Variants in KLHL29 observed in about 807,000 individuals in gnomAD.
KLHL29 encodes kelch-like protein 29.
In KLHL29, 21 loss-of-function variants were observed where a neutral mutation model predicts 80.4. The ratio of observed to expected loss-of-function variants is 0.26; its 90% CI spans 0.19 to 0.38. KLHL29 has a LOEUF of 0.38. Among genes scored for constraint, KLHL29 ranks in the 10% least tolerant of loss-of-function variants. The probability of loss-of-function intolerance (pLI) is 1.00; values close to 1 mark genes in which losing one functional copy is unlikely to be tolerated. For synonymous variants in KLHL29, 511 were observed against 526.8 expected, an observed-to-expected ratio of 0.97 and a Z score of 0.41; for missense variants, 867 against 1,223.9, an observed-to-expected ratio of 0.71 and a Z score of 4.35.
intron 3 of KLHL29, among the ~76,000 whole-genome samples, chr2:23,564,110 C>T (rs554377050): frequency 3.7e-4 from 57 of 152,356 alleles, no homozygotes; most frequent in African/African-American, 1.3e-3. Context: ...AGGCTGGGCC[C>T]GGAGGCCGTC....
At chr2:23,667,649 C>T (rs1670589740) in intron 5 of KLHL29, 1 of 152,628 alleles carries the variant, frequency 6.6e-6, no homozygotes, top group South Asian at 2.1e-4. Flanking sequence ...CGGTGCCATC[C>T]TGTGTAGACC....
Position 23,577,472 on chromosome 2 carries a change from C to T in KLHL29, c.285+14991C>T, listed in dbSNP as rs1029184269. ...TAAATAAAAGGGGGGTGGGGCCATGCGCGGTGGCTCACACCTGTAATCTCA... is the reference window on the plus strand; with the variant it reads ...TAAATAAAAGGGGGGTGGGGCCATGTGCGGTGGCTCACACCTGTAATCTCA... On this transcript the variant is annotated intron_variant, in intron 3 of 13. Coordinates refer to ENST00000486442, the MANE Select transcript of KLHL29 (RefSeq NM_052920.2). Among the ~76,000 whole-genome samples, 5 of 150,172 alleles carry T rather than the reference C, an allele frequency of 3.3e-5. No individual in the cohort carries two copies. The East Asian group carries it at 7.9e-4, about 24-fold the overall frequency.
chr2:23,539,897 T>G (rs1666783238), intron 2 of KLHL29, among the ~76,000 whole-genome samples: 1 of 152,186 alleles, frequency 6.6e-6, no homozygotes. Context: ...TCCAAAAGCT[T>G]GTTTCTCTAG....
chr2:23,431,346 G>A (rs1326351143), intron 1 of KLHL29, among the ~76,000 whole-genome samples: 3 of 152,192 alleles, frequency 2.0e-5, no homozygotes, highest in Non-Finnish European at 4.4e-5. Context: ...TTTTCTCCGT[G>A]GGAAGGAAAT....
intron 1 of KLHL29, among the ~76,000 whole-genome samples, chr2:23,461,842 G>A (rs1664218068): frequency 6.6e-6 from 1 of 151,938 alleles, no homozygotes; most frequent in South Asian, 2.1e-4. Flanking sequence ...TAATTGCGGT[G>A]GTTCCCTGCT....
intron 2 of KLHL29, among the ~76,000 whole-genome samples, chr2:23,492,868 G>A (rs532679993): frequency 1.3e-5 from 2 of 152,148 alleles, no homozygotes; most frequent in Non-Finnish European, 2.9e-5. Flanking sequence ...CCTCCTTACC[G>A]TAGCCTCACG....
rs1672851363 is a variant in KLHL29, at chr2:23,708,348, A to C, written c.*1684A>C. On this transcript the variant is annotated 3_prime_UTR_variant, in exon 14 of 14. Transcript: ENST00000486442. ...GTGCAAGTGTGAACCCAAGGACTGG[A>C]GCACAAATTCCTAACTGCCTGGGGC... 6.6e-6 allele frequency: 1 copy of C among 152,214 alleles called. No individual in the cohort carries two copies. The highest frequency in any genetic ancestry group is 2.4e-5 in the African/African-American group (1 of 41,452). The allele number at this position is 152,214 out of a possible 1,614,324, so 9.4% of individuals were successfully genotyped here. A position where few individuals can be genotyped will look rare whatever the true frequency, so the allele number is the denominator to read the frequency against.
Position 23,649,130 on chromosome 2 carries a change from T to C in KLHL29, c.940+6280T>C, listed in dbSNP as rs984761056. On this transcript the variant is annotated intron_variant, in intron 5 of 13. Transcript: ENST00000486442. ...TTAGCCTCAGGACCACCACTGCTTT[T>C]AAAGCAAGGTTGTCCAAAATAATCT... is the stretch of plus-strand genomic sequence containing the variant. 2.6e-5 allele frequency among the ~76,000 whole-genome samples: 4 copies of C among 152,186 alleles called. No homozygotes were observed. The East Asian group carries it at 5.8e-4, about 22-fold the overall frequency.
intron 5 of KLHL29, among the ~76,000 whole-genome samples, chr2:23,679,763 C>T (rs991627154): frequency 1.3e-5 from 2 of 152,140 alleles, no homozygotes; most frequent in African/African-American, 4.8e-5. Context: ...TGCCAGCCTC[C>T]GGAGGAGGGC....
At chr2:23,602,192 A>G (rs1222293808) in intron 3 of KLHL29, among the ~76,000 whole-genome samples, 1 of 152,014 alleles carries the variant, frequency 6.6e-6, no homozygotes, top group Non-Finnish European at 1.5e-5. Context: ...TTTTCATCCT[A>G]ACACACAGAG....
chr2:23,693,100 G>A (rs933700463), intron 7 of KLHL29, among the ~76,000 whole-genome samples, 169 bp from the exon 8 acceptor site: 4 of 152,156 alleles, frequency 2.6e-5, no homozygotes, highest in Admixed American at 6.5e-5. Context: ...CCAGGAGAAG[G>A]ATCGAAGCCT....
intron 6 of KLHL29, chr2:23,691,079 C>G (rs1671567269): frequency 6.5e-6 from 1 of 154,400 alleles, no homozygotes; most frequent in Admixed American, 6.4e-5. Context: ...TCGTCTTGTC[C>G]TCAGTTTCAA....
At chr2:23,646,724 A>T (rs572746074) in intron 5 of KLHL29, among the ~76,000 whole-genome samples, 1 of 152,186 alleles carries the variant, frequency 6.6e-6, no homozygotes. Flanking sequence ...CACACCATTC[A>T]TCCTCGCTGC....
At chr2:23,653,890 G>C (rs990287745) in intron 5 of KLHL29, among the ~76,000 whole-genome samples, 1 of 152,168 alleles carries the variant, frequency 6.6e-6, no homozygotes, top group African/African-American at 2.4e-5. Flanking sequence ...CTTCGGCCAG[G>C]CACGGTGGCT....
At chr2:23,541,956 T>C in intron 2 of KLHL29, among the ~76,000 whole-genome samples, 1 of 152,108 alleles carries the variant, frequency 6.6e-6, no homozygotes. Flanking sequence ...TCAAACTGTC[T>C]AGAAAACTGA....
Position 23,682,657 on chromosome 2 carries a change from C to T in KLHL29, c.941-1742C>T, listed in dbSNP as rs1271926364. ...GCCCTTTTGTCCACCTGCACCTGCC[C>T]CCTCGTGCTCCTGCACCCTCCCACA... On this transcript the variant is annotated intron_variant, in intron 5 of 13. Transcript: ENST00000486442. This position sits in a 1 kb window ranked among gnomAD's most constrained non-coding sequence, Gnocchi z 4.1. 6.6e-6 allele frequency among the ~76,000 whole-genome samples: 1 copy of T among 152,146 alleles called. No homozygotes were observed. Among genetic ancestry groups the T allele is most frequent in the African/African-American group, 2.4e-5 (1 of 41,422 alleles).
At position 23,502,326 on chromosome 2, in the gene KLHL29, C is replaced by T. The variant is rs567038332; in HGVS notation, c.-46+26659C>T. The stretch of plus-strand genomic sequence containing the variant: ...ACTCATCGGTCTGCATAATCAGCAT[C>T]GAACATATTTCTGCCCCAACAAAGA... On this transcript the variant is annotated intron_variant, in intron 2 of 13. Coordinates refer to ENST00000486442, the MANE Select transcript of KLHL29 (RefSeq NM_052920.2). Among the ~76,000 whole-genome samples the T allele has an allele frequency of 3.2e-3, 487 of 152,348 alleles. 3 individuals carry two copies. The highest frequency in any genetic ancestry group is 5.3e-3 in the Admixed American group (81 of 15,302).
chr2:23,585,777 A>G lies in KLHL29; in HGVS notation c.285+23296A>G, dbSNP rs189316874. ...TCGGAGGCTCCAAGGGGTGATAGGA[A>G]GGAAACAGTGCCAAGCCCACCAGCC... On this transcript the variant is annotated intron_variant, in intron 3 of 13. Coordinates refer to ENST00000486442, the MANE Select transcript of KLHL29 (RefSeq NM_052920.2). 5.1e-3 allele frequency among the ~76,000 whole-genome samples: 773 copies of G among 152,274 alleles called. 4 individuals are homozygous for G. The highest frequency in any genetic ancestry group is 0.017 in the African/African-American group (709 of 41,556).
intron 5 of KLHL29, among the ~76,000 whole-genome samples, chr2:23,677,958 G>C (rs1404767889): frequency 1.3e-5 from 2 of 152,076 alleles, no homozygotes; most frequent in Non-Finnish European, 2.9e-5. Context: ...AAATGATTTG[G>C]CCACACAACC....
Sources: gnomAD v4.1 joint callset for allele counts (sites outside exome capture counted in the v4.1 genomes callset) on GRCh38, gnomAD v4.1.1 for gene constraint, Gnocchi (gnomAD v3.1) non-coding constraint, MANE v1.5 for transcripts, NCBI Gene and HGNC (gene_info 2026-07-23, HGNC 2026-07-21) for gene names.